The following MBNL2 variants were observed in gnomAD, a reference collection of about 807,000 sequenced individuals.
The protein encoded by MBNL2 is muscleblind like splicing regulator 2.
In MBNL2, 17 loss-of-function variants were observed where a neutral mutation model predicts 41.9. The observed-to-expected ratio is 0.41, with a 90% CI of 0.28 to 0.61. The LOEUF (loss-of-function observed/expected upper bound fraction) is 0.61. Ranked by LOEUF, MBNL2 falls within the 20% of genes least tolerant of loss-of-function variation. The pLI is 0.35. For missense variants in MBNL2, 336 were observed against 505.6 expected (o/e 0.66, Z 3.22); for synonymous variants, 195 against 182.9 (o/e 1.07, Z -0.53).
At chr13:97,144,423 CT>C in the MBNL2 span, among the ~76,000 whole-genome samples, 271 of 118,044 alleles carry the variant, frequency 2.3e-3, no homozygotes, top group African/African-American at 6.2e-3. Flanking sequence ...CATGATACTT[CT>C]TTTTTTTTTT....
chr13:97,189,636 G>T, the MBNL2 span, among the ~76,000 whole-genome samples: 1 of 151,866 alleles, frequency 6.6e-6, no homozygotes, highest in African/African-American at 2.4e-5. Context: ...AAATATGTAT[G>T]TGTGTCCATT....
chr13:97,224,318 G>A (rs1287366120), intron 1 of MBNL2, among the ~76,000 whole-genome samples: 1 of 152,180 alleles, frequency 6.6e-6, no homozygotes, highest in Non-Finnish European at 1.5e-5. Flanking sequence ...AAATCATCAT[G>A]TCCTAGCACA....
chr13:97,287,060 C>A (rs1293774753), intron 2 of MBNL2, among the ~76,000 whole-genome samples: 1 of 151,406 alleles, frequency 6.6e-6, no homozygotes, highest in Non-Finnish European at 1.5e-5. Flanking sequence ...TTCTGGCTGA[C>A]TATTACTCAG....
intron 1 of MBNL2, among the ~76,000 whole-genome samples, chr13:97,261,092 A>G (rs375417564): frequency 6.6e-6 from 1 of 152,008 alleles, no homozygotes; most frequent in African/African-American, 2.4e-5. Context: ...CTTCTCCTTG[A>G]TACCTGTGTG....
At chr13:97,338,755 G>C (rs1352846412) in intron 3 of MBNL2, among the ~76,000 whole-genome samples, 1 of 152,212 alleles carries the variant, frequency 6.6e-6, no homozygotes, top group Non-Finnish European at 1.5e-5. Context: ...CATGAGTCTT[G>C]TGCCCTCCGG....
the MBNL2 span, among the ~76,000 whole-genome samples, chr13:97,203,915 T>TGGATGGAC: frequency 2.3e-5 from 3 of 130,086 alleles, no homozygotes; most frequent in South Asian, 5.1e-4. Flanking sequence ...GATGGATGGA[T>TGGATGGAC]GGACGGACGG....
chr13:97,316,721 T>C (rs78483835), intron 2 of MBNL2, among the ~76,000 whole-genome samples: 6,230 of 152,272 alleles, frequency 0.041, 392 homozygotes, highest in African/African-American at 0.13. Context: ...GTAATGGCCC[T>C]GCCTATGTAA....
chr13:97,156,775 G>A, the MBNL2 span, among the ~76,000 whole-genome samples: 11 of 152,068 alleles, frequency 7.2e-5, no homozygotes, highest in East Asian at 1.9e-4. Context: ...TGGTACCAGT[G>A]CCATGCTGTT....
intron 1 of MBNL2, among the ~76,000 whole-genome samples, chr13:97,269,564 G>T (rs925672297): frequency 6.6e-6 from 1 of 152,122 alleles, no homozygotes; most frequent in African/African-American, 2.4e-5. Flanking sequence ...GCTCCCATTG[G>T]TGCTACCAGA....
the MBNL2 span, among the ~76,000 whole-genome samples, chr13:97,186,830 G>T: frequency 6.6e-6 from 1 of 152,058 alleles, no homozygotes. Flanking sequence ...TTGATATTTT[G>T]ATCATACACC....
In MBNL2 at chr13:97,346,713, G is replaced by T. The variant is rs2061903750; in HGVS notation, c.541-91G>T. On this transcript the variant is annotated intron_variant, in intron 4 of 8. Coordinates refer to ENST00000679496, the MANE Select transcript of MBNL2 (RefSeq NM_001382683.1). The surrounding 1 kb of genome is among the most constrained non-coding windows in gnomAD (Gnocchi z 4.2). ...TACATGAGCCACCATTGAAAGCGAG[G>T]CAGCCTCCGCTCCTCCCGCGGTGGC... 2 of 1,023,714 alleles carry T rather than the reference G, an allele frequency of 2.0e-6. No homozygotes were observed. Among genetic ancestry groups the T allele is most frequent in the East Asian group, 4.9e-5 (2 of 40,408 alleles). The allele number at this position is 1,023,714 out of a possible 1,614,324, so 63.4% of individuals were successfully genotyped here. A position where few individuals can be genotyped will look rare whatever the true frequency, so the allele number is the denominator to read the frequency against.
At chr13:97,328,461 G>C (rs780998622) in intron 2 of MBNL2, among the ~76,000 whole-genome samples, 7 of 152,284 alleles carry the variant, frequency 4.6e-5, no homozygotes, top group Non-Finnish European at 8.8e-5. Flanking sequence ...GCCGTTCCGC[G>C]GCCTGGCCTG....
At chr13:97,144,423 C>CTTTTTTTTTT in the MBNL2 span, among the ~76,000 whole-genome samples, 548 of 117,996 alleles carry the variant, frequency 4.6e-3, 47 homozygotes, top group African/African-American at 0.018. Flanking sequence ...CATGATACTT[C>CTTTTTTTTTT]TTTTTTTTTT....
chr13:97,293,604 G>A (rs909579120), intron 2 of MBNL2, among the ~76,000 whole-genome samples: 2 of 152,112 alleles, frequency 1.3e-5, no homozygotes, highest in Admixed American at 1.3e-4. Context: ...TGACCTGCCA[G>A]AGAATTATGG....
chr13:97,271,480 A>C (rs1159511161), intron 1 of MBNL2, among the ~76,000 whole-genome samples: 1 of 152,062 alleles, frequency 6.6e-6, no homozygotes, highest in Non-Finnish European at 1.5e-5. Flanking sequence ...ACAAAAAAAA[A>C]CAGGATACAT....
At chr13:97,309,999 G>GGTT (rs2058444203) in intron 2 of MBNL2, among the ~76,000 whole-genome samples, 2 of 152,228 alleles carry the variant, frequency 1.3e-5, no homozygotes, top group Non-Finnish European at 2.9e-5. Flanking sequence ...ATTGGTGTTT[G>GGTT]AACATTCATT....
chr13:97,230,544 G>C (rs529809677), intron 1 of MBNL2, among the ~76,000 whole-genome samples: 2 of 152,218 alleles, frequency 1.3e-5, no homozygotes, highest in Non-Finnish European at 2.9e-5. Context: ...CTCACACCTC[G>C]TGAAAGAAGG....
chr13:97,286,927 C>T (rs548198077), intron 2 of MBNL2, among the ~76,000 whole-genome samples: 131 of 152,314 alleles, frequency 8.6e-4, no homozygotes, highest in African/African-American at 2.9e-3. Flanking sequence ...AGGCAGGGAC[C>T]GCGTTGTTGT....
chr13:97,220,752 A>C (rs904784153), upstream of MBNL2, among the ~76,000 whole-genome samples: 11 of 152,278 alleles, frequency 7.2e-5, no homozygotes, highest in African/African-American at 2.4e-4. Context: ...AACAAGGCTT[A>C]GTTTCATTGG....
Sources: allele counts gnomAD v4.1 joint callset (sites outside exome capture counted in the v4.1 genomes callset), GRCh38; gene constraint gnomAD v4.1.1; non-coding constraint Gnocchi (gnomAD v3.1); transcripts MANE v1.5; gene names NCBI Gene and HGNC (gene_info 2026-07-23, HGNC 2026-07-21).